Variants in GNA14 observed in about 807,000 individuals in gnomAD.
GNA14 encodes G protein subunit alpha 14.
Under a neutral mutation model 42.0 loss-of-function variants are expected in GNA14, and 50 were observed. That is an observed-to-expected ratio of 1.19 (90% CI 0.95 to 1.51). The LOEUF is 1.51. GNA14 is among the 40% of genes most tolerant of loss of function. GNA14 has a pLI of 0.00. For missense variants in GNA14, 473 were observed against 446.2 expected, an observed-to-expected ratio of 1.06 and a Z score of -0.54; for synonymous variants, 173 against 163.1, an observed-to-expected ratio of 1.06 and a Z score of -0.46.
intron 1 of GNA14, among the ~76,000 whole-genome samples, chr9:77,606,823 T>C (rs1052221106): frequency 1.3e-5 from 2 of 152,262 alleles, no homozygotes; most frequent in African/African-American, 2.4e-5. Context: ...TGCAATGATA[T>C]AAGATGGTGA....
chr9:77,604,567 C>T (rs777035985), intron 1 of GNA14, among the ~76,000 whole-genome samples: 1 of 152,210 alleles, frequency 6.6e-6, no homozygotes, highest in Non-Finnish European at 1.5e-5. Flanking sequence ...ATAAATTCCT[C>T]TGGCTGGCTT....
At position 77,648,271 on chromosome 9, in the gene GNA14, G is replaced by A. The variant is rs1350122757; in HGVS notation, c.-478C>T. 4 of 188,644 alleles carry A rather than the reference G, an allele frequency of 2.1e-5. No individual in the cohort carries two copies. In the South Asian group the frequency reaches 4.0e-4, roughly 19 times the overall value. The allele number at this position is 188,644 out of a possible 1,614,324, so 11.7% of individuals were successfully genotyped here. On this transcript the variant is annotated 5_prime_UTR_variant, in exon 1 of 7. Transcript: ENST00000341700. ...GAGGCAAAGGACCTGGCTGGCCTTTGCCTGGAAAGTTCTGAAAACCTCAGC... is the reference window on the plus strand; with the variant it reads ...GAGGCAAAGGACCTGGCTGGCCTTTACCTGGAAAGTTCTGAAAACCTCAGC...
At chr9:77,458,899 G>A (rs755392742) in intron 2 of GNA14, among the ~76,000 whole-genome samples, 1 of 102,880 alleles carries the variant, frequency 9.7e-6, no homozygotes, top group African/African-American at 4.5e-5. Context: ...TTTATCACAA[G>A]CTGGAGGGGG....
intron 2 of GNA14, among the ~76,000 whole-genome samples, chr9:77,478,568 G>A (rs979903649): frequency 2.0e-5 from 3 of 152,104 alleles, no homozygotes; most frequent in East Asian, 1.9e-4. Context: ...GGGTCAAATG[G>A]TATTTCTAGT....
intron 2 of GNA14, among the ~76,000 whole-genome samples, chr9:77,518,454 G>C (rs1444755581): frequency 6.6e-6 from 1 of 152,036 alleles, no homozygotes; most frequent in African/African-American, 2.4e-5. Flanking sequence ...ACAAAGCAGA[G>C]ATACAGTGGG....
chr9:77,623,810 C>T (rs778938084), intron 1 of GNA14, among the ~76,000 whole-genome samples: 9 of 152,308 alleles, frequency 5.9e-5, no homozygotes, highest in African/African-American at 2.2e-4. Flanking sequence ...ACACCACCAG[C>T]GCCATGGATT....
chr9:77,591,021 G>A (rs1217648022), intron 1 of GNA14, among the ~76,000 whole-genome samples: 1 of 152,176 alleles, frequency 6.6e-6, no homozygotes, highest in Admixed American at 6.5e-5. Flanking sequence ...TCACAACCTT[G>A]AAAGACTCGG....
chr9:77,517,590 CTTTTTTTTTTTTTTTTTTTTTTTTT>C (rs71358610), intron 2 of GNA14: 1 of 26,792 alleles, frequency 3.7e-5, no homozygotes, highest in Non-Finnish European at 6.8e-5. Flanking sequence ...TGGTACTTTT[CTTTTTTTTTTTTTTTTTTTTTTTTT>C]TTTTTTTTTG....
At chr9:77,595,501 T>A (rs1432909735) in intron 1 of GNA14, among the ~76,000 whole-genome samples, 1 of 152,202 alleles carries the variant, frequency 6.6e-6, no homozygotes, top group Non-Finnish European at 1.5e-5. Context: ...GTTATTTAAC[T>A]TCTCTGAGCC....
chr9:77,624,616 T>A (rs1823985904), intron 1 of GNA14, among the ~76,000 whole-genome samples: 1 of 152,150 alleles, frequency 6.6e-6, no homozygotes, highest in African/African-American at 2.4e-5. Context: ...CCGCTGGTGA[T>A]ACCCAGGCAA....
intron 1 of GNA14, among the ~76,000 whole-genome samples, chr9:77,586,947 A>T (rs1372745280): frequency 6.7e-6 from 1 of 149,820 alleles, no homozygotes; most frequent in African/African-American, 2.5e-5. Flanking sequence ...TTGCTTACCT[A>T]TATGTCTGCA....
At chr9:77,454,387 T>C (rs933160802) in intron 2 of GNA14, among the ~76,000 whole-genome samples, 4 of 152,204 alleles carry the variant, frequency 2.6e-5, no homozygotes, top group Admixed American at 1.3e-4. Flanking sequence ...CTTGGGAGGA[T>C]AACCTTTCGC....
chr9:77,458,227 G>A (rs1360846072), intron 2 of GNA14, among the ~76,000 whole-genome samples: 2 of 152,144 alleles, frequency 1.3e-5, no homozygotes, highest in African/African-American at 2.4e-5. Flanking sequence ...TTAGGGACCC[G>A]CTTCTTCCTC....
At chr9:77,565,507 G>C (rs1247438906) in intron 1 of GNA14, among the ~76,000 whole-genome samples, 2 of 151,874 alleles carry the variant, frequency 1.3e-5, no homozygotes, top group Admixed American at 1.3e-4. Context: ...GCCCAGTCTG[G>C]AGTGCAGTGG....
At chr9:77,564,210 C>T (rs770010969) in intron 1 of GNA14, among the ~76,000 whole-genome samples, 1 of 150,418 alleles carries the variant, frequency 6.6e-6, no homozygotes, top group Non-Finnish European at 1.5e-5. Flanking sequence ...CCTGGCCACA[C>T]TTTGGAATCA....
chr9:77,453,000 G>A (rs1026115872), intron 2 of GNA14, among the ~76,000 whole-genome samples: 2 of 151,926 alleles, frequency 1.3e-5, no homozygotes, highest in Non-Finnish European at 2.9e-5. Context: ...GTAACCAGCC[G>A]GGTGGTGTGT....
intron 1 of GNA14, among the ~76,000 whole-genome samples, chr9:77,563,516 T>C (rs1822915713): frequency 6.6e-6 from 1 of 152,170 alleles, no homozygotes; most frequent in Non-Finnish European, 1.5e-5. Flanking sequence ...GAACCAATAT[T>C]GACCCTAGGT....
Position 77,532,444 on chromosome 9 carries a change from G to A in GNA14, c.125-3191C>T, listed in dbSNP as rs57424450. 2.2e-4 allele frequency among the ~76,000 whole-genome samples: 33 copies of A among 152,332 alleles called. No homozygotes were observed. In the East Asian group the frequency reaches 6.2e-3, roughly 28 times the overall value. On this transcript the variant is annotated intron_variant, in intron 1 of 6. Coordinates refer to ENST00000341700, the MANE Select transcript of GNA14 (RefSeq NM_004297.4). ...CAGCAGGTGAATGCAGGGGAAGGTA[G>A]ATGATGGCATCAATCTGTCTTATAA...
chr9:77,437,361 A>G (rs1405834228), intron 2 of GNA14, among the ~76,000 whole-genome samples: 3 of 152,226 alleles, frequency 2.0e-5, no homozygotes, highest in Non-Finnish European at 2.9e-5. Flanking sequence ...CATGTCCAAC[A>G]TGGTGAAACC....
Sources: gnomAD v4.1 joint callset for allele counts (sites outside exome capture counted in the v4.1 genomes callset) on GRCh38, gnomAD v4.1.1 for gene constraint, MANE v1.5 for transcripts, NCBI Gene and HGNC (gene_info 2026-07-23, HGNC 2026-07-21) for gene names.